The following OPRM1 variants were observed in gnomAD, a reference collection of about 807,000 sequenced individuals.
OPRM1 encodes the protein opioid receptor mu 1, also known as mu-type opioid receptor.
Under a neutral mutation model 31.8 loss-of-function variants are expected in OPRM1, and 27 were observed. That is an observed-to-expected ratio of 0.85 (90% CI 0.63 to 1.17). OPRM1 has a LOEUF of 1.17. Ranked by LOEUF, OPRM1 falls within the 50% of genes most tolerant of loss-of-function variation. OPRM1 has a pLI of 0.00. For synonymous variants in OPRM1, 196 were observed against 189.9 expected, an observed-to-expected ratio of 1.03 and a Z score of -0.26; for missense variants, 536 against 511.1, an observed-to-expected ratio of 1.05 and a Z score of -0.47.
chr6:154,193,175 T>C (rs1802086570), intron 3 of OPRM1, among the ~76,000 whole-genome samples: 1 of 152,164 alleles, frequency 6.6e-6, no homozygotes, highest in African/African-American at 2.4e-5. Context: ...TACCATAGAA[T>C]ACTACTCAGC....
intron 3 of OPRM1, chr6:154,155,932 G>T (rs2128543721): frequency 6.6e-6 from 1 of 152,258 alleles, no homozygotes; most frequent in African/African-American, 2.4e-5. Context: ...TGTGACTGGA[G>T]TGCTACCTGA....
chr6:154,077,693 T>A (rs1371766700), intron 1 of OPRM1, among the ~76,000 whole-genome samples: 1 of 152,058 alleles, frequency 6.6e-6, no homozygotes, highest in East Asian at 2.0e-4. Flanking sequence ...CTAGCACCAC[T>A]GCACTCCAGC....
chr6:154,062,826 C>T (rs747200490), intron 1 of OPRM1, among the ~76,000 whole-genome samples: 1 of 152,016 alleles, frequency 6.6e-6, no homozygotes, highest in African/African-American at 2.4e-5. Context: ...GGTACTAAGA[C>T]ACACTAAAAT....
intron 3 of OPRM1, among the ~76,000 whole-genome samples, chr6:154,240,805 A>C (rs1259342563): frequency 6.6e-6 from 1 of 152,258 alleles, no homozygotes; most frequent in Non-Finnish European, 1.5e-5. Context: ...AAACTTTCAC[A>C]ATTCAGAAAG....
At chr6:154,169,065 C>T (rs976414809) in intron 3 of OPRM1, among the ~76,000 whole-genome samples, 1 of 151,748 alleles carries the variant, frequency 6.6e-6, no homozygotes, top group African/African-American at 2.4e-5. Flanking sequence ...AAAAGCTCAC[C>T]CAAATATCAT....
chr6:154,170,464 C>A (rs1385228232), intron 3 of OPRM1, among the ~76,000 whole-genome samples: 2 of 152,212 alleles, frequency 1.3e-5, no homozygotes, highest in Non-Finnish European at 2.9e-5. Flanking sequence ...TTTCCCCTAT[C>A]CATCCCAGAA....
In OPRM1 at chr6:154,060,850, A is replaced by G. The variant is rs534150102; in HGVS notation, c.290+21016A>G. On this transcript the variant is annotated intron_variant, in intron 1 of 3. Coordinates refer to ENST00000330432, the MANE Select transcript of OPRM1 (RefSeq NM_000914.5). The stretch of plus-strand genomic sequence containing the variant: ...TAGAGATGTATCCCACAAGGAGGTT[A>G]TACTGGGTGACACAAGAAAATTTCT... Among the ~76,000 whole-genome samples the G allele has an allele frequency of 1.1e-4, 16 of 152,348 alleles. No individual in the cohort carries two copies. The South Asian group carries it at 3.3e-3, about 32-fold the overall frequency.
intron 3 of OPRM1, among the ~76,000 whole-genome samples, chr6:154,242,684 C>A (rs943139527): frequency 6.6e-6 from 1 of 152,060 alleles, no homozygotes. Context: ...GTCAGGAGTT[C>A]GAGACTAGCC....
intron 3 of OPRM1, among the ~76,000 whole-genome samples, chr6:154,183,169 C>T (rs9478513): frequency 0.35 from 52,571 of 151,560 alleles, 9,474 homozygotes; most frequent in Middle Eastern, 0.47. Context: ...TTAGTAGAGA[C>T]GGGGTTTCAC....
intron 3 of OPRM1, among the ~76,000 whole-genome samples, chr6:154,102,416 C>T (rs633387): frequency 0.82 from 124,353 of 152,086 alleles, 51,281 homozygotes; most frequent in East Asian, 0.92. Flanking sequence ...ATTATTACTC[C>T]AAGCCATCCG....
chr6:154,099,556 G>C (rs1165731742), intron 3 of OPRM1, among the ~76,000 whole-genome samples: 1 of 150,272 alleles, frequency 6.7e-6, no homozygotes, highest in Non-Finnish European at 1.5e-5. Context: ...GAGAGGAAGG[G>C]AGGGAGGAAG....
At chr6:154,094,301 G>T in intron 3 of OPRM1, 2 of 948,474 alleles carry the variant, frequency 2.1e-6, no homozygotes, top group Admixed American at 2.3e-5. Context: ...GTGGAGTGGC[G>T]ATTTGGCAGT....
intron 1 of OPRM1, among the ~76,000 whole-genome samples, chr6:154,028,339 G>A (rs565805852): frequency 6.6e-6 from 1 of 152,282 alleles, no homozygotes; most frequent in East Asian, 1.9e-4. Flanking sequence ...TGCTGTGGCT[G>A]AGATTCAAGA....
chr6:154,230,600 A>G (rs1202774478), intron 3 of OPRM1, among the ~76,000 whole-genome samples: 2 of 152,224 alleles, frequency 1.3e-5, no homozygotes, highest in Non-Finnish European at 2.9e-5. Flanking sequence ...TCCCGAGTCT[A>G]AATAGGTCAA....
At chr6:154,064,437 T>A (rs1183466256) in intron 1 of OPRM1, among the ~76,000 whole-genome samples, 1 of 152,182 alleles carries the variant, frequency 6.6e-6, no homozygotes, top group Non-Finnish European at 1.5e-5. Flanking sequence ...ATTCTGTAGG[T>A]TGCCTTTTTA....
chr6:154,100,765 A>G (rs1219579679), intron 3 of OPRM1, among the ~76,000 whole-genome samples: 1 of 151,600 alleles, frequency 6.6e-6, no homozygotes, highest in African/African-American at 2.4e-5. Context: ...CAGAAATCCC[A>G]AGAATACTAG....
chr6:154,015,094 A>G (rs1043343174), intron 1 of OPRM1, among the ~76,000 whole-genome samples: 1 of 152,148 alleles, frequency 6.6e-6, no homozygotes, highest in African/African-American at 2.4e-5. Flanking sequence ...TTATAAGGAG[A>G]TCAGTTCTCC....
At position 154,120,085 on chromosome 6, in the gene OPRM1, A is replaced by T; in HGVS notation, c.*1364A>T. ...CATGCCTAGAAGCTCTCCATTTTGA[A>T]CTTTTGTCAGCATTGATTAAAAGAA... On this transcript the variant is annotated 3_prime_UTR_variant, in exon 4 of 4. Coordinates refer to ENST00000330432, the MANE Select transcript of OPRM1 (RefSeq NM_000914.5). 6.6e-6 allele frequency among the ~76,000 whole-genome samples: 1 copy of T among 152,142 alleles called. No individual in the cohort carries two copies.
chr6:154,136,303 C>A (rs1362641419), downstream of OPRM1, among the ~76,000 whole-genome samples: 1 of 152,186 alleles, frequency 6.6e-6, no homozygotes, highest in Non-Finnish European at 1.5e-5. Context: ...TCCCTGACTG[C>A]GCCATGGTTT....
Sources: allele counts gnomAD v4.1 joint callset (sites outside exome capture counted in the v4.1 genomes callset), GRCh38; gene constraint gnomAD v4.1.1; transcripts MANE v1.5; gene names NCBI Gene and HGNC (gene_info 2026-07-23, HGNC 2026-07-21).